The following ARHGAP8 variants were observed in gnomAD, a reference collection of about 807,000 sequenced individuals.
ARHGAP8 encodes rho GTPase-activating protein 8.
ARHGAP8 carries 62 observed loss-of-function variants against 46.1 expected under a neutral mutation model. The ratio of observed to expected loss-of-function variants is 1.34; its 90% CI spans 1.10 to 1.66. ARHGAP8 has a LOEUF of 1.66. Ranked by LOEUF, ARHGAP8 falls within the 40% of genes most tolerant of loss-of-function variation. The probability of loss-of-function intolerance (pLI) is 0.00; values close to 1 mark genes in which losing one functional copy is unlikely to be tolerated. For missense variants in ARHGAP8, 923 were observed against 568.4 expected, an observed-to-expected ratio of 1.62 and a Z score of -6.34; for synonymous variants, 375 against 243.1, an observed-to-expected ratio of 1.54 and a Z score of -5.05.
At chr22:44,755,782 G>T (rs1018928557) in intron 1 of ARHGAP8, among the ~76,000 whole-genome samples, 6 of 152,154 alleles carry the variant, frequency 3.9e-5, no homozygotes, top group Admixed American at 6.5e-5. Context: ...CTGGGGAAGT[G>T]GGGGGTGGGG....
intron 6 of ARHGAP8, among the ~76,000 whole-genome samples, chr22:44,824,634 C>CT (rs10571764): frequency 1.6e-4 from 21 of 131,730 alleles, no homozygotes; most frequent in Middle Eastern, 3.8e-3. Context: ...TTCTTCTTTT[C>CT]TTTTTTTTTT....
chr22:44,796,484 G>C (rs1467654442), intron 2 of ARHGAP8, among the ~76,000 whole-genome samples: 2 of 152,020 alleles, frequency 1.3e-5, no homozygotes, highest in Non-Finnish European at 2.9e-5. Flanking sequence ...GGCGGGGGTG[G>C]GGGGCTCTAA....
At chr22:44,826,297 G>T (rs1335221655) in intron 7 of ARHGAP8, among the ~76,000 whole-genome samples, 1 of 152,134 alleles carries the variant, frequency 6.6e-6, no homozygotes, top group East Asian at 1.9e-4. Context: ...CTTGTGCTGG[G>T]CTCAGCCGCT....
At chr22:44,830,971 T>G (rs1378608917) in intron 7 of ARHGAP8, among the ~76,000 whole-genome samples, 2 of 152,240 alleles carry the variant, frequency 1.3e-5, no homozygotes, top group Admixed American at 6.5e-5. Context: ...TTTACCTTCT[T>G]TGGAAAAATG....
intron 2 of ARHGAP8, among the ~76,000 whole-genome samples, chr22:44,788,714 A>G (rs985999534): frequency 6.6e-6 from 1 of 152,208 alleles, no homozygotes; most frequent in African/African-American, 2.4e-5. Flanking sequence ...ATTTTAAATG[A>G]ATAAATATTT....
intron 1 of ARHGAP8, 141 bp from the exon 2 acceptor site, chr22:44,786,316 A>G: frequency 1.0e-6 from 1 of 995,928 alleles, no homozygotes. Flanking sequence ...CAGGGCGCGT[A>G]GTGGGTGCAC....
intron 1 of ARHGAP8, among the ~76,000 whole-genome samples, chr22:44,756,987 C>T (rs189230699): frequency 1.1e-4 from 17 of 152,240 alleles, no homozygotes; most frequent in Non-Finnish European, 2.1e-4. Context: ...GTGATTATAG[C>T]TCACTGCGGC....
chr22:44,798,686 C>T (rs967050618), intron 2 of ARHGAP8, among the ~76,000 whole-genome samples: 8 of 152,122 alleles, frequency 5.3e-5, no homozygotes, highest in Non-Finnish European at 1.0e-4. Context: ...GTGCTGGACA[C>T]GCTCCATCCC....
At chr22:44,840,186 T>C (rs1306135523) in intron 7 of ARHGAP8, among the ~76,000 whole-genome samples, 1 of 152,210 alleles carries the variant, frequency 6.6e-6, no homozygotes, top group Non-Finnish European at 1.5e-5. Context: ...ATTCTGTTGA[T>C]CCACACAGGG....
intron 2 of ARHGAP8, among the ~76,000 whole-genome samples, chr22:44,796,569 T>A (rs1928101129): frequency 7.0e-6 from 1 of 141,848 alleles, no homozygotes; most frequent in African/African-American, 2.8e-5. Flanking sequence ...ACTGAAGAAA[T>A]GAAGCTTCAA....
chr22:44,849,170 C>G (rs536379135), intron 10 of ARHGAP8, 110 bp downstream of exon 10: 2 of 1,552,552 alleles, frequency 1.3e-6, no homozygotes, highest in African/African-American at 1.4e-5. Flanking sequence ...TGTACCCACC[C>G]TCCTCCTGTT....
chr22:44,804,766 T>C (rs1035612200), intron 3 of ARHGAP8, among the ~76,000 whole-genome samples: 7 of 152,172 alleles, frequency 4.6e-5, no homozygotes, highest in Non-Finnish European at 8.8e-5. Flanking sequence ...CAGAAGACTT[T>C]GGGCTGGTTG....
Position 44,760,915 on chromosome 22 carries a change from G to A in ARHGAP8, c.-72+8288G>A, listed in dbSNP as rs142615950. ...GGATCCGAGAGAAAGGGCTTGTCAG[G>A]GAGGGTCGGGAGGGAGTTGAGGCAT... On this transcript the variant is annotated intron_variant, in intron 1 of 11. Transcript: ENST00000356099. 7.4e-3 allele frequency among the ~76,000 whole-genome samples: 1,127 copies of A among 152,308 alleles called. 10 individuals are homozygous for A. Among genetic ancestry groups the A allele is most frequent in the African/African-American group, 0.026 (1,085 of 41,560 alleles).
At chr22:44,819,561 T>C (rs2147111824) in intron 5 of ARHGAP8, among the ~76,000 whole-genome samples, 1 of 152,184 alleles carries the variant, frequency 6.6e-6, no homozygotes, top group South Asian at 2.1e-4. Context: ...TAATCCCAGC[T>C]ACTCAGGAGG....
chr22:44,789,957 G>C (rs892907300), intron 2 of ARHGAP8, among the ~76,000 whole-genome samples: 1 of 152,192 alleles, frequency 6.6e-6, no homozygotes, highest in African/African-American at 2.4e-5. Context: ...AGTCTGCACA[G>C]AAAGTGCATC....
intron 11 of ARHGAP8, among the ~76,000 whole-genome samples, chr22:44,861,559 C>A (rs988188276): frequency 3.3e-5 from 5 of 152,198 alleles, no homozygotes; most frequent in African/African-American, 1.2e-4. Context: ...CCCTCCAGTT[C>A]TCTGCTCTGC....
At chr22:44,850,135 C>T (rs751219009) in intron 10 of ARHGAP8, 1 of 152,146 alleles carries the variant, frequency 6.6e-6, no homozygotes, top group Non-Finnish European at 1.5e-5. Context: ...CTGTCAAGGT[C>T]GCTGGACCCC....
intron 1 of ARHGAP8, among the ~76,000 whole-genome samples, chr22:44,769,195 C>T (rs979684306): frequency 6.6e-6 from 1 of 152,194 alleles, no homozygotes; most frequent in Non-Finnish European, 1.5e-5. Flanking sequence ...GGTGAGCATC[C>T]TGTTCTCCAT....
At chr22:44,828,744 A>G (rs576830913) in intron 7 of ARHGAP8, among the ~76,000 whole-genome samples, 1 of 151,806 alleles carries the variant, frequency 6.6e-6, no homozygotes, top group Non-Finnish European at 1.5e-5. Flanking sequence ...CAGCACACCT[A>G]GCCCGGGCCA....
Sources: gnomAD v4.1 joint callset for allele counts (sites outside exome capture counted in the v4.1 genomes callset) on GRCh38, gnomAD v4.1.1 for gene constraint, MANE v1.5 for transcripts, NCBI Gene and HGNC (gene_info 2026-07-23, HGNC 2026-07-21) for gene names.